PIK3R3: variants seen among roughly 807,000 people sequenced by gnomAD.
PIK3R3 encodes the protein phosphoinositide-3-kinase regulatory subunit 3.
Under a neutral mutation model 62.9 loss-of-function variants are expected in PIK3R3, and 64 were observed. The ratio of observed to expected loss-of-function variants is 1.02; its 90% CI spans 0.83 to 1.25. The LOEUF (loss-of-function observed/expected upper bound fraction) is 1.25. Ranked by LOEUF, PIK3R3 falls within the 50% of genes most tolerant of loss-of-function variation. The pLI is 0.00. For missense variants in PIK3R3, 614 were observed against 561.6 expected (o/e 1.09, Z -0.94); for synonymous variants, 165 against 189.0 (o/e 0.87, Z 1.04).
intron 3 of PIK3R3, among the ~76,000 whole-genome samples, chr1:46,069,775 CAG>C (rs1649327022): frequency 6.6e-6 from 1 of 152,076 alleles, no homozygotes; most frequent in African/African-American, 2.4e-5. Flanking sequence ...GTTTGGTGGT[CAG>C]AGACATGGAA....
chr1:46,137,494 C>T (rs746634121), upstream of PIK3R3, among the ~76,000 whole-genome samples: 2 of 152,228 alleles, frequency 1.3e-5, no homozygotes, highest in South Asian at 2.1e-4. Context: ...TCCTTTACTT[C>T]TCAGTTTTCG....
chr1:46,170,909 A>T, the PIK3R3 span, among the ~76,000 whole-genome samples: 1 of 152,238 alleles, frequency 6.6e-6, no homozygotes, highest in Admixed American at 6.5e-5. Flanking sequence ...GGAACTCAGT[A>T]ATGCCACAAT....
At chr1:46,141,523 G>A in the PIK3R3 span, among the ~76,000 whole-genome samples, 2 of 151,746 alleles carry the variant, frequency 1.3e-5, no homozygotes, top group African/African-American at 2.4e-5. Flanking sequence ...CACCTGCCTC[G>A]GCCTCCCAAA....
chr1:46,076,539 G>A (rs1650080548), intron 3 of PIK3R3, among the ~76,000 whole-genome samples: 1 of 152,178 alleles, frequency 6.6e-6, no homozygotes, highest in African/African-American at 2.4e-5. Context: ...TGATTAGTCA[G>A]CACAATTCAA....
At chr1:46,147,329 T>C in the PIK3R3 span, among the ~76,000 whole-genome samples, 1 of 152,210 alleles carries the variant, frequency 6.6e-6, no homozygotes, top group African/African-American at 2.4e-5. Flanking sequence ...GGTCTTGAAC[T>C]CCTGACCTCA....
At chr1:46,130,394 A>G (rs1215969324) in intron 1 of PIK3R3, among the ~76,000 whole-genome samples, 1 of 152,220 alleles carries the variant, frequency 6.6e-6, no homozygotes, top group Non-Finnish European at 1.5e-5. Context: ...GGCAAATCTT[A>G]CAAACTTTAC....
At chr1:46,141,208 G>A in the PIK3R3 span, among the ~76,000 whole-genome samples, 1 of 151,284 alleles carries the variant, frequency 6.6e-6, no homozygotes, top group East Asian at 2.0e-4. Context: ...CATTATGGCA[G>A]CCCTAGGAAA....
chr1:46,151,111 G>A, the PIK3R3 span, among the ~76,000 whole-genome samples: 2 of 152,036 alleles, frequency 1.3e-5, no homozygotes, highest in Non-Finnish European at 2.9e-5. Context: ...GTGCTCGGCT[G>A]CTGGTAAACA....
chr1:46,119,286 A>C (rs1473058884), intron 1 of PIK3R3, among the ~76,000 whole-genome samples: 2 of 152,240 alleles, frequency 1.3e-5, no homozygotes, highest in Non-Finnish European at 2.9e-5. Flanking sequence ...ATGAATTAAC[A>C]CACAAACAAA....
intron 1 of PIK3R3, among the ~76,000 whole-genome samples, chr1:46,082,695 T>C (rs914088327): frequency 3.3e-5 from 5 of 152,346 alleles, no homozygotes; most frequent in Middle Eastern, 3.4e-3. Context: ...TTGTTTCTTT[T>C]TTCTTAATTT....
intron 1 of PIK3R3, among the ~76,000 whole-genome samples, chr1:46,119,302 T>C (rs1386231201): frequency 2.6e-5 from 4 of 152,128 alleles, no homozygotes; most frequent in Non-Finnish European, 5.9e-5. Flanking sequence ...ACAAAAAAAA[T>C]TTACAGGTGT....
At chr1:46,068,021 CTCTT>C (rs1477725577) in intron 3 of PIK3R3, among the ~76,000 whole-genome samples, 1 of 152,220 alleles carries the variant, frequency 6.6e-6, no homozygotes, top group Non-Finnish European at 1.5e-5. Context: ...GCCCCTAACT[CTCTT>C]TATGCCATGC....
At chr1:46,173,099 A>G in the PIK3R3 span, among the ~76,000 whole-genome samples, 1 of 152,224 alleles carries the variant, frequency 6.6e-6, no homozygotes, top group Non-Finnish European at 1.5e-5. Context: ...TGTTGGGAGC[A>G]CAGCCTAGGG....
At chr1:46,046,805 G>T in intron 7 of PIK3R3, 180 bp from the exon 8 acceptor site, 2 of 569,504 alleles carry the variant, frequency 3.5e-6, no homozygotes, top group East Asian at 2.9e-5. Flanking sequence ...CTACTATCAA[G>T]ATGAACTGAT....
intron 8 of PIK3R3, 122 bp from the exon 9 acceptor site, chr1:46,046,210 G>T: frequency 3.1e-6 from 2 of 640,856 alleles, no homozygotes; most frequent in Non-Finnish European, 2.7e-6. Flanking sequence ...GCAATTATTT[G>T]GGTGTTAACT....
In PIK3R3 at chr1:46,080,700, T is replaced by C. The variant is rs369276938; in HGVS notation, c.157A>G (p.Met53Val). The C allele has an allele frequency of 1.2e-6, 2 of 1,614,056 alleles. No homozygotes were observed. Among genetic ancestry groups the C allele is most frequent in the South Asian group, 1.1e-5 (1 of 91,078 alleles). The change falls in exon 2 of 10, where the codon ATG becomes GTG. Residue 53 changes from methionine (M) to valine (V), a missense_variant. Met to Val is a conservative substitution (Grantham distance 21, BLOSUM62 1). Transcript: ENST00000262741. ...KPMTSAVPNG[M>V]KDSSVSLQDA... ...TGAAGAGAAACAGAACTGTCCTTCA[T>C]TCCATTTGGAACTGCTGAAGTCATT...
intron 1 of PIK3R3, among the ~76,000 whole-genome samples, chr1:46,081,829 G>A (rs1443154306): frequency 1.3e-5 from 2 of 152,072 alleles, no homozygotes; most frequent in Admixed American, 6.6e-5. Context: ...GTGCCAAAAA[G>A]GAAGGAAGTG....
the PIK3R3 span, among the ~76,000 whole-genome samples, chr1:46,168,183 T>A: frequency 3.3e-3 from 504 of 151,424 alleles, 7 homozygotes; most frequent in East Asian, 0.022. Context: ...AAATTAAATT[T>A]AAAAAAAAAT....
the PIK3R3 span, among the ~76,000 whole-genome samples, chr1:46,144,547 A>G: frequency 1.3e-5 from 2 of 152,196 alleles, no homozygotes; most frequent in Non-Finnish European, 2.9e-5. Flanking sequence ...AGGCGGGCGA[A>G]TCGCAAGGTC....
Sources: allele counts gnomAD v4.1 joint callset (sites outside exome capture counted in the v4.1 genomes callset), GRCh38; gene constraint gnomAD v4.1.1; transcripts MANE v1.5; gene names NCBI Gene and HGNC (gene_info 2026-07-23, HGNC 2026-07-21).